NTM: variants seen among roughly 807,000 people sequenced by gnomAD.
The protein encoded by NTM is neurotrimin.
In NTM, 13 loss-of-function variants were observed where a neutral mutation model predicts 42.1. That is an observed-to-expected ratio of 0.31 (90% CI 0.20 to 0.49). NTM has a LOEUF of 0.49. Ranked by LOEUF, NTM falls within the 20% of genes least tolerant of loss-of-function variation. The pLI is 0.99. For missense variants in NTM, 373 were observed against 452.8 expected, an observed-to-expected ratio of 0.82 and a Z score of 1.60; for synonymous variants, 187 against 179.2, an observed-to-expected ratio of 1.04 and a Z score of -0.35.
At position 131,929,784 on chromosome 11, in the gene NTM, T is replaced by C. The variant is rs2058397016; in HGVS notation, c.167+18136T>C. On this transcript the variant is annotated intron_variant, in intron 2 of 8. Coordinates refer to ENST00000683400, the MANE Select transcript of NTM (RefSeq NM_001352005.2). ...GAAATTCCACGAAGTCCGCTTGCTT[T>C]CCTGGGTGAATAAACACCAGGCCGC... 5.9e-5 allele frequency among the ~76,000 whole-genome samples: 9 copies of C among 152,204 alleles called. No homozygotes were observed. The South Asian group carries it at 1.9e-3, about 32-fold the overall frequency.
rs143687928 is a variant in NTM, at chr11:132,197,988, A to G, written c.401-14034A>G. ...GTGCATGTGTCTTTATAGCAGCAAG[A>G]TTTATATTCTTTTGGGTATATACCC... On this transcript the variant is annotated intron_variant, in intron 3 of 8. Coordinates refer to ENST00000683400, the MANE Select transcript of NTM (RefSeq NM_001352005.2). Among the ~76,000 whole-genome samples the G allele has an allele frequency of 4.1e-4, 63 of 152,128 alleles. 1 individual carries two copies. In the East Asian group the frequency reaches 0.012, roughly 30 times the overall value.
At chr11:132,184,716 G>C (rs1343210570) in intron 3 of NTM, among the ~76,000 whole-genome samples, 1 of 152,156 alleles carries the variant, frequency 6.6e-6, no homozygotes, top group African/African-American at 2.4e-5. Flanking sequence ...TGTAAATTTA[G>C]ATTATTTGTA....
At chr11:132,231,788 AG>A (rs2087617977) in intron 4 of NTM, among the ~76,000 whole-genome samples, 1 of 152,190 alleles carries the variant, frequency 6.6e-6, no homozygotes, top group Non-Finnish European at 1.5e-5. Context: ...TACTTCCATA[AG>A]AAAGTAACTT....
intron 2 of NTM, among the ~76,000 whole-genome samples, chr11:131,931,438 CAAA>C (rs891595151): frequency 1.3e-4 from 18 of 143,022 alleles, no homozygotes; most frequent in South Asian, 4.6e-4. Context: ...GACAGTGCCT[CAAA>C]AAAAAAAATA....
chr11:131,901,094 C>T (rs2053094808), intron 1 of NTM, among the ~76,000 whole-genome samples: 1 of 152,196 alleles, frequency 6.6e-6, no homozygotes, highest in Non-Finnish European at 1.5e-5. Flanking sequence ...TACTACAGGC[C>T]AGGTACTTCA....
At chr11:131,797,197 G>A (rs111460301) in intron 1 of NTM, among the ~76,000 whole-genome samples, 27 of 152,216 alleles carry the variant, frequency 1.8e-4, no homozygotes, top group East Asian at 1.4e-3. Flanking sequence ...TATGTTTTTC[G>A]TTGTTTTTTC....
At chr11:131,870,935 G>A (rs1208102963) in intron 1 of NTM, among the ~76,000 whole-genome samples, 3 of 152,146 alleles carry the variant, frequency 2.0e-5, no homozygotes, top group African/African-American at 7.2e-5. Context: ...AGGTGTAGCA[G>A]AAAGAAGGTG....
At chr11:131,667,316 A>T (rs1364187890) in intron 1 of NTM, among the ~76,000 whole-genome samples, 1 of 152,166 alleles carries the variant, frequency 6.6e-6, no homozygotes, top group South Asian at 2.1e-4. Context: ...CCTTCTGCCT[A>T]GAAAGCACTT....
At chr11:131,689,221 G>A (rs563425169) in intron 1 of NTM, among the ~76,000 whole-genome samples, 9 of 152,202 alleles carry the variant, frequency 5.9e-5, no homozygotes, top group Non-Finnish European at 2.9e-5. Flanking sequence ...ATGAGGCAGC[G>A]GGGAGGGCCC....
At chr11:132,056,188 A>G (rs184958755) in intron 2 of NTM, among the ~76,000 whole-genome samples, 1 of 152,232 alleles carries the variant, frequency 6.6e-6, no homozygotes, top group Non-Finnish European at 1.5e-5. Flanking sequence ...TAAATACCAA[A>G]CCATGACTGT....
chr11:131,915,025 A>G (rs2056051388), intron 2 of NTM, among the ~76,000 whole-genome samples: 2 of 152,250 alleles, frequency 1.3e-5, no homozygotes, highest in South Asian at 4.1e-4. Context: ...GCTATGAAGC[A>G]CTGGTAACAA....
intron 1 of NTM, among the ~76,000 whole-genome samples, chr11:131,719,021 C>A (rs1351434089): frequency 1.3e-5 from 2 of 152,124 alleles, no homozygotes; most frequent in Non-Finnish European, 1.5e-5. Flanking sequence ...GTCATCTTCC[C>A]AGCTCAGCCT....
chr11:131,795,426 C>G (rs1391679523), intron 1 of NTM: 13 of 985,210 alleles, frequency 1.3e-5, no homozygotes, highest in Non-Finnish European at 1.6e-5. Flanking sequence ...CTTAAATACA[C>G]TATTGGTATA....
intron 7 of NTM, among the ~76,000 whole-genome samples, chr11:132,325,552 CTT>C (rs1719281514): frequency 6.6e-6 from 1 of 151,888 alleles, no homozygotes; most frequent in Non-Finnish European, 1.5e-5. Context: ...AATAGGAACA[CTT>C]TTACACTGTT....
chr11:131,769,372 G>A (rs1397316788), intron 1 of NTM, among the ~76,000 whole-genome samples: 1 of 152,058 alleles, frequency 6.6e-6, no homozygotes, highest in Non-Finnish European at 1.5e-5. Context: ...GCCTCTTCAA[G>A]CTTCTGCCTC....
intron 3 of NTM, among the ~76,000 whole-genome samples, chr11:132,151,916 C>T (rs1008889199): frequency 6.6e-6 from 1 of 152,148 alleles, no homozygotes; most frequent in African/African-American, 2.4e-5. Context: ...CACATCAGCC[C>T]CTAATTTACC....
In NTM at chr11:132,080,307, C is replaced by G. The variant is rs2058873268; in HGVS notation, c.168-65975C>G. ...GTGACTAAATGTGCAGTCACTGCAG[C>G]AGGCATCCACCAGCTGTGCCCACAT... On this transcript the variant is annotated intron_variant, in intron 2 of 8. Coordinates refer to ENST00000683400, the MANE Select transcript of NTM (RefSeq NM_001352005.2). 2.6e-5 allele frequency among the ~76,000 whole-genome samples: 4 copies of G among 152,354 alleles called. No individual in the cohort carries two copies. The South Asian group carries it at 8.3e-4, about 32-fold the overall frequency.
chr11:131,926,808 C>T (rs1281983232), intron 2 of NTM, among the ~76,000 whole-genome samples: 1 of 152,220 alleles, frequency 6.6e-6, no homozygotes, highest in Non-Finnish European at 1.5e-5. Context: ...GCAGCACACA[C>T]ATCCAGCCGC....
intron 2 of NTM, among the ~76,000 whole-genome samples, chr11:131,985,165 AAC>A (rs1565885063): frequency 6.6e-6 from 1 of 152,144 alleles, no homozygotes. Context: ...CAATCCCAGA[AAC>A]GCTTTGGCTC....
Sources: allele counts gnomAD v4.1 joint callset (sites outside exome capture counted in the v4.1 genomes callset), GRCh38; gene constraint gnomAD v4.1.1; transcripts MANE v1.5; gene names NCBI Gene and HGNC (gene_info 2026-07-23, HGNC 2026-07-21).